CPPED1: variants seen among roughly 807,000 people sequenced by gnomAD.
CPPED1 encodes the protein serine/threonine-protein phosphatase CPPED1.
Under a neutral mutation model 28.0 loss-of-function variants are expected in CPPED1, and 28 were observed. The observed-to-expected ratio is 1.00, with a 90% CI of 0.74 to 1.37. CPPED1 has a LOEUF of 1.37. Ranked by LOEUF, CPPED1 falls within the 40% of genes most tolerant of loss-of-function variation. The pLI, the probability that CPPED1 is intolerant of heterozygous loss-of-function variation, is 0.00. For synonymous variants in CPPED1, 198 were observed against 180.2 expected, an observed-to-expected ratio of 1.10 and a Z score of -0.79; for missense variants, 504 against 416.5, an observed-to-expected ratio of 1.21 and a Z score of -1.83.
intron 2 of CPPED1, among the ~76,000 whole-genome samples, chr16:12,761,357 G>A (rs752497685): frequency 6.6e-6 from 1 of 152,006 alleles, no homozygotes; most frequent in Non-Finnish European, 1.5e-5. Flanking sequence ...GAGATGGGCT[G>A]GAAGCACATG....
chr16:12,747,217 C>G (rs563039070), intron 2 of CPPED1, among the ~76,000 whole-genome samples: 2 of 151,844 alleles, frequency 1.3e-5, no homozygotes, highest in East Asian at 3.9e-4. Flanking sequence ...ATTGCTTGAG[C>G]CCAGGAATAT....
rs139416984 is a variant in CPPED1 at position 12,761,388 on chromosome 16, C to T, written c.289+19797G>A. Among the ~76,000 whole-genome samples, 677 of 152,040 alleles carry T rather than the reference C, an allele frequency of 4.5e-3. 7 individuals are homozygous for T. Among genetic ancestry groups the T allele is most frequent in the Middle Eastern group, 0.021 (6 of 292 alleles). On this transcript the variant is annotated intron_variant, in intron 2 of 3. Coordinates refer to ENST00000381774, the MANE Select transcript of CPPED1 (RefSeq NM_018340.3). ...ACATGGTCACTACCCATCAGCTGGG[C>T]GGTGCTGGGCAAGTTGTTTGACCTG...
intron 2 of CPPED1, among the ~76,000 whole-genome samples, chr16:12,747,195 T>C (rs1380457257): frequency 6.6e-6 from 1 of 151,990 alleles, no homozygotes; most frequent in Non-Finnish European, 1.5e-5. Context: ...TTTGGGAGAC[T>C]GAGGTGGGCG....
At chr16:12,673,155 G>A (rs1336304710) in intron 3 of CPPED1, among the ~76,000 whole-genome samples, 2 of 152,224 alleles carry the variant, frequency 1.3e-5, no homozygotes, top group Non-Finnish European at 2.9e-5. Flanking sequence ...TGGGACTGCT[G>A]GGTTGGGCGC....
intron 2 of CPPED1, among the ~76,000 whole-genome samples, chr16:12,749,080 G>A (rs1027937906): frequency 2.0e-5 from 3 of 152,128 alleles, no homozygotes; most frequent in African/African-American, 7.2e-5. Context: ...GAAAGGTGGG[G>A]TGGCTGGGGC....
intron 2 of CPPED1, among the ~76,000 whole-genome samples, chr16:12,766,880 G>A (rs1355870476): frequency 2.0e-5 from 3 of 152,174 alleles, no homozygotes; most frequent in Admixed American, 6.6e-5. Context: ...TGCCATAGCC[G>A]ATTTGCCTAA....
chr16:12,708,917 T>C (rs1435628020), intron 2 of CPPED1, among the ~76,000 whole-genome samples: 1 of 152,076 alleles, frequency 6.6e-6, no homozygotes, highest in East Asian at 1.9e-4. Flanking sequence ...CCATCTCTAC[T>C]AAAAATACAA....
chr16:12,755,338 G>C (rs908649278), intron 2 of CPPED1, among the ~76,000 whole-genome samples: 6 of 141,716 alleles, frequency 4.2e-5, no homozygotes, highest in African/African-American at 1.6e-4. Flanking sequence ...CTGCAGTTCA[G>C]TGGCACGATC....
At chr16:12,753,669 C>T (rs1037315667) in intron 2 of CPPED1, among the ~76,000 whole-genome samples, 5 of 152,154 alleles carry the variant, frequency 3.3e-5, no homozygotes, top group South Asian at 4.1e-4. Flanking sequence ...ATAAATTCCC[C>T]CTTCCTCAGA....
chr16:12,694,499 C>A (rs1412861125), intron 3 of CPPED1, among the ~76,000 whole-genome samples: 1 of 152,046 alleles, frequency 6.6e-6, no homozygotes, highest in Non-Finnish European at 1.5e-5. Flanking sequence ...CACTTTACAC[C>A]AGATGTAGCT....
At chr16:12,711,600 G>C (rs1049831799) in intron 2 of CPPED1, among the ~76,000 whole-genome samples, 15 of 152,188 alleles carry the variant, frequency 9.9e-5, no homozygotes, top group African/African-American at 3.4e-4. Flanking sequence ...GGGTCTAGGA[G>C]TCTGGAGTTC....
intron 2 of CPPED1, among the ~76,000 whole-genome samples, chr16:12,763,232 T>TG (rs1428588069): frequency 1.4e-5 from 2 of 146,270 alleles, no homozygotes; most frequent in African/African-American, 5.1e-5. Context: ...GACTCCACCT[T>TG]GAAAAAAAAA....
intron 3 of CPPED1, among the ~76,000 whole-genome samples, chr16:12,665,788 G>GCTAC (rs1427206000): frequency 3.9e-5 from 6 of 152,318 alleles, no homozygotes; most frequent in African/African-American, 1.2e-4. Flanking sequence ...GGCTAGGCGT[G>GCTAC]GTGGCAGGTG....
At chr16:12,680,250 C>T (rs1043289007) in intron 3 of CPPED1, among the ~76,000 whole-genome samples, 1 of 152,144 alleles carries the variant, frequency 6.6e-6, no homozygotes, top group Non-Finnish European at 1.5e-5. Context: ...AAGCTTCAAC[C>T]ATTTGCCCCG....
chr16:12,721,435 TAGG>T (rs1281147666), intron 2 of CPPED1, among the ~76,000 whole-genome samples: 2 of 151,882 alleles, frequency 1.3e-5, no homozygotes, highest in African/African-American at 4.8e-5. Flanking sequence ...TTGCTGGAAC[TAGG>T]AGTAGAGAAA....
At chr16:12,719,778 T>C (rs2080128635) in intron 2 of CPPED1, among the ~76,000 whole-genome samples, 1 of 151,780 alleles carries the variant, frequency 6.6e-6, no homozygotes, top group Admixed American at 6.6e-5. Flanking sequence ...CTACTAAAAA[T>C]ACAAAAATTA....
chr16:12,746,247 C>T (rs1437671814), intron 2 of CPPED1, among the ~76,000 whole-genome samples: 1 of 152,048 alleles, frequency 6.6e-6, no homozygotes, highest in Non-Finnish European at 1.5e-5. Flanking sequence ...TGGTGGCACA[C>T]ACCTGTAATC....
intron 2 of CPPED1, chr16:12,753,044 AT>A (rs2080340569): frequency 6.6e-6 from 1 of 152,060 alleles, no homozygotes; most frequent in Admixed American, 6.6e-5. Context: ...CAAATTCAAC[AT>A]GTCTGAACCT....
chr16:12,703,400 C>T (rs2080030603), intron 3 of CPPED1, among the ~76,000 whole-genome samples: 1 of 152,186 alleles, frequency 6.6e-6, no homozygotes, highest in Non-Finnish European at 1.5e-5. Flanking sequence ...AGAACTTAAT[C>T]CACCTCACCA....
Sources: allele counts gnomAD v4.1 joint callset (sites outside exome capture counted in the v4.1 genomes callset), GRCh38; gene constraint gnomAD v4.1.1; transcripts MANE v1.5; gene names NCBI Gene and HGNC (gene_info 2026-07-23, HGNC 2026-07-21).